The following CHST9 variants were observed in gnomAD, a reference collection of about 807,000 sequenced individuals.
The protein encoded by CHST9 is carbohydrate sulfotransferase 9, also known as GalNAc-4-sulfotransferase 2.
Under a neutral mutation model 44.4 loss-of-function variants are expected in CHST9, and 41 were observed. The ratio of observed to expected loss-of-function variants is 0.92; its 90% CI spans 0.72 to 1.20. The LOEUF (loss-of-function observed/expected upper bound fraction) is 1.20. Ranked by LOEUF, CHST9 falls within the 50% of genes most tolerant of loss-of-function variation. CHST9 has a pLI of 0.00. For missense variants in CHST9, 504 were observed against 516.5 expected (o/e 0.98, Z 0.23); for synonymous variants, 171 against 178.4 (o/e 0.96, Z 0.33).
intron 2 of CHST9, among the ~76,000 whole-genome samples, chr18:27,051,332 T>C (rs1031716888): frequency 6.6e-6 from 1 of 151,322 alleles, no homozygotes; most frequent in African/African-American, 2.4e-5. Context: ...GGCAGGAGGA[T>C]CACTTAAACC....
intron 3 of CHST9, among the ~76,000 whole-genome samples, chr18:27,027,656 T>G (rs1005379606): frequency 6.6e-6 from 1 of 152,234 alleles, no homozygotes; most frequent in African/African-American, 2.4e-5. Context: ...CCTTATCTAA[T>G]TTAGTATCAT....
At chr18:27,184,626 T>A (rs2058941221) in intron 1 of CHST9, among the ~76,000 whole-genome samples, 1 of 151,948 alleles carries the variant, frequency 6.6e-6, no homozygotes. Flanking sequence ...TCGCGGAGTT[T>A]GAGACTGACG....
intron 4 of CHST9, among the ~76,000 whole-genome samples, chr18:27,011,669 G>A (rs2057087253): frequency 6.6e-6 from 1 of 152,210 alleles, no homozygotes; most frequent in African/African-American, 2.4e-5. Context: ...CTTTGAACTT[G>A]AATTGCTCAG....
intron 4 of CHST9, among the ~76,000 whole-genome samples, chr18:26,946,012 G>A (rs927805345): frequency 4.6e-5 from 7 of 152,126 alleles, no homozygotes; most frequent in African/African-American, 1.7e-4. Context: ...GTTCAGAGTG[G>A]GCTATTTCAT....
chr18:26,929,860 G>A (rs565062613), intron 5 of CHST9, among the ~76,000 whole-genome samples: 2 of 152,112 alleles, frequency 1.3e-5, no homozygotes, highest in South Asian at 4.1e-4. Flanking sequence ...GGGCTATGAC[G>A]TAAGTGACAC....
chr18:27,073,837 T>C (rs981356636), intron 2 of CHST9, among the ~76,000 whole-genome samples: 8 of 152,136 alleles, frequency 5.3e-5, no homozygotes, highest in Non-Finnish European at 7.4e-5. Context: ...ACTGACTATA[T>C]ATAGTCACAA....
chr18:27,047,294 T>G (rs1343828892), intron 3 of CHST9, among the ~76,000 whole-genome samples: 1 of 152,006 alleles, frequency 6.6e-6, no homozygotes, highest in Non-Finnish European at 1.5e-5. Context: ...TTAGAAGCAA[T>G]TTAGAAATTA....
At chr18:26,979,718 T>A (rs2056668893) in intron 4 of CHST9, among the ~76,000 whole-genome samples, 1 of 152,192 alleles carries the variant, frequency 6.6e-6, no homozygotes, top group Admixed American at 6.5e-5. Flanking sequence ...AGAGATCAGA[T>A]CAGTGCTTGG....
intron 2 of CHST9, 99 bp downstream of exon 2, chr18:27,142,590 A>G: frequency 1.2e-6 from 1 of 846,176 alleles, no homozygotes; most frequent in Non-Finnish European, 1.6e-6. Flanking sequence ...TGTTGAAAAT[A>G]TTGTGATTCT....
intron 2 of CHST9, among the ~76,000 whole-genome samples, chr18:27,089,114 T>A (rs2058041453): frequency 6.6e-6 from 1 of 152,238 alleles, no homozygotes; most frequent in East Asian, 1.9e-4. Flanking sequence ...GAAGCTCTAT[T>A]TTCTTCCTCT....
chr18:27,148,630 G>T (rs1187811083), intron 1 of CHST9, among the ~76,000 whole-genome samples: 2 of 150,738 alleles, frequency 1.3e-5, no homozygotes, highest in Non-Finnish European at 3.0e-5. Flanking sequence ...GTGTATATGT[G>T]CCACATTTTC....
chr18:27,064,178 G>A (rs2143625180), intron 2 of CHST9, among the ~76,000 whole-genome samples: 1 of 151,762 alleles, frequency 6.6e-6, no homozygotes, highest in East Asian at 1.9e-4. Flanking sequence ...CTGGGCAAGT[G>A]ATAATAGATA....
chr18:26,977,779 T>G (rs2056641525), intron 4 of CHST9, among the ~76,000 whole-genome samples: 1 of 152,182 alleles, frequency 6.6e-6, no homozygotes, highest in African/African-American at 2.4e-5. Context: ...GCAGAGAACA[T>G]TCCCATGAGC....
chr18:27,155,059 G>A (rs1213949481), intron 1 of CHST9, among the ~76,000 whole-genome samples: 2 of 148,016 alleles, frequency 1.4e-5, no homozygotes, highest in Non-Finnish European at 3.0e-5. Context: ...TTCAACCTGG[G>A]CAACAGAGTG....
At chr18:27,142,552 G>T in intron 2 of CHST9, 137 bp downstream of exon 2, 1 of 608,578 alleles carries the variant, frequency 1.6e-6, no homozygotes, top group Non-Finnish European at 2.4e-6. Context: ...TAGGAGCTGG[G>T]AATTTTATCT....
At chr18:27,008,680 T>A (rs2057046288) in intron 4 of CHST9, among the ~76,000 whole-genome samples, 1 of 151,228 alleles carries the variant, frequency 6.6e-6, no homozygotes, top group South Asian at 2.1e-4. Context: ...TAGGAGGCAG[T>A]CGTTCATTCA....
chr18:27,153,249 T>C (rs1347945335), intron 1 of CHST9, among the ~76,000 whole-genome samples: 1 of 152,164 alleles, frequency 6.6e-6, no homozygotes, highest in Non-Finnish European at 1.5e-5. Context: ...TGACCACTTA[T>C]ATTAGTTTCC....
chr18:27,166,986 G>T (rs999872016), intron 1 of CHST9, among the ~76,000 whole-genome samples: 1 of 152,196 alleles, frequency 6.6e-6, no homozygotes, highest in Admixed American at 6.5e-5. Flanking sequence ...TAATTCAGTG[G>T]AGAAATGACT....
intron 1 of CHST9, among the ~76,000 whole-genome samples, chr18:27,152,146 G>A (rs2058664349): frequency 6.6e-6 from 1 of 152,140 alleles, no homozygotes; most frequent in Non-Finnish European, 1.5e-5. Context: ...TAATTTATAG[G>A]TGCTTCCTTA....
Sources: gnomAD v4.1 joint callset for allele counts (sites outside exome capture counted in the v4.1 genomes callset) on GRCh38, gnomAD v4.1.1 for gene constraint, MANE v1.5 for transcripts, NCBI Gene and HGNC (gene_info 2026-07-23, HGNC 2026-07-21) for gene names.